GABRG3: variants seen among roughly 807,000 people sequenced by gnomAD.
The protein encoded by GABRG3 is gamma-aminobutyric acid type A receptor subunit gamma3.
Under a neutral mutation model 48.8 loss-of-function variants are expected in GABRG3, and 25 were observed. That is an observed-to-expected ratio of 0.51 (90% CI 0.37 to 0.72). The LOEUF (loss-of-function observed/expected upper bound fraction) is 0.72, where lower values mean the gene tolerates loss of function less well. Among genes scored for constraint, GABRG3 ranks in the 30% least tolerant of loss-of-function variants. GABRG3 has a pLI of 0.00. For missense variants in GABRG3, 394 were observed against 577.9 expected (o/e 0.68, Z 3.26); for synonymous variants, 227 against 217.6 (o/e 1.04, Z -0.38).
intron 6 of GABRG3, among the ~76,000 whole-genome samples, chr15:27,491,838 C>T (rs189049569): frequency 6.6e-6 from 1 of 152,308 alleles, no homozygotes; most frequent in African/African-American, 2.4e-5. Flanking sequence ...CTGTTACTCC[C>T]TGTAGTCGTA....
At chr15:27,261,418 C>A (rs1249028875) in intron 3 of GABRG3, among the ~76,000 whole-genome samples, 1 of 151,796 alleles carries the variant, frequency 6.6e-6, no homozygotes, top group African/African-American at 2.4e-5. Flanking sequence ...CCCCAGTCCC[C>A]CCAGTGCCAC....
At chr15:27,464,110 C>G (rs1292517533) in intron 5 of GABRG3, among the ~76,000 whole-genome samples, 1 of 152,078 alleles carries the variant, frequency 6.6e-6, no homozygotes, top group African/African-American at 2.4e-5. Flanking sequence ...TTTCACATAC[C>G]ATAAAATGCA....
intron 3 of GABRG3, among the ~76,000 whole-genome samples, chr15:27,245,325 A>G (rs1027518948): frequency 6.6e-6 from 1 of 152,214 alleles, no homozygotes; most frequent in African/African-American, 2.4e-5. Context: ...AAAAGACCTC[A>G]TAGGGCAGTG....
chr15:27,313,210 G>A (rs1267912555), intron 3 of GABRG3, among the ~76,000 whole-genome samples: 2 of 103,652 alleles, frequency 1.9e-5, no homozygotes, highest in South Asian at 3.2e-4. Context: ...ATATATATAT[G>A]TATATGTATA....
At chr15:27,334,632 G>T (rs1355722125) in intron 5 of GABRG3, among the ~76,000 whole-genome samples, 11 of 152,140 alleles carry the variant, frequency 7.2e-5, no homozygotes, top group Non-Finnish European at 1.3e-4. Flanking sequence ...TGAGAAGTAT[G>T]CAAGTAGCAT....
chr15:27,073,414 G>A (rs142316088), intron 3 of GABRG3, among the ~76,000 whole-genome samples: 7 of 152,364 alleles, frequency 4.6e-5, no homozygotes, highest in Admixed American at 2.6e-4. Flanking sequence ...CATAGTGGCT[G>A]TGTCCAAGGC....
intron 3 of GABRG3, among the ~76,000 whole-genome samples, chr15:27,046,362 C>G (rs1279283995): frequency 6.6e-6 from 1 of 152,156 alleles, no homozygotes; most frequent in East Asian, 1.9e-4. Context: ...CCTCGGTCTC[C>G]CAAAGTGCTG....
chr15:27,511,176 A>G (rs868610460), intron 6 of GABRG3, among the ~76,000 whole-genome samples: 13 of 152,356 alleles, frequency 8.5e-5, no homozygotes, highest in Middle Eastern at 6.8e-3. Flanking sequence ...TTAGTGACTA[A>G]ATTAAAAGAA....
At chr15:27,097,404 A>G (rs1479747514) in intron 3 of GABRG3, among the ~76,000 whole-genome samples, 3 of 152,038 alleles carry the variant, frequency 2.0e-5, no homozygotes, top group Non-Finnish European at 4.4e-5. Flanking sequence ...AGCTCACCTC[A>G]TTCACAACTT....
At chr15:27,446,632 T>C (rs1888954370) in intron 5 of GABRG3, among the ~76,000 whole-genome samples, 1 of 152,228 alleles carries the variant, frequency 6.6e-6, no homozygotes, top group Non-Finnish European at 1.5e-5. Context: ...TATTTTATTC[T>C]TTTTGAGGCT....
chr15:27,441,309 C>G (rs1252958131), intron 5 of GABRG3, among the ~76,000 whole-genome samples: 1 of 152,190 alleles, frequency 6.6e-6, no homozygotes, highest in Non-Finnish European at 1.5e-5. Context: ...TTGTGTCATC[C>G]TAAATTTATC....
intron 5 of GABRG3, among the ~76,000 whole-genome samples, chr15:27,378,694 A>G (rs992177072): frequency 1.8e-4 from 27 of 152,256 alleles, no homozygotes; most frequent in African/African-American, 4.1e-4. Context: ...TATTTAAATC[A>G]TGATACATAG....
rs115836124 is a variant in GABRG3, at chr15:27,388,732, G to A, written c.574+59844G>A. 7.2e-3 allele frequency among the ~76,000 whole-genome samples: 1,093 copies of A among 152,178 alleles called. 13 individuals are homozygous for A. The highest frequency in any genetic ancestry group is 0.025 in the African/African-American group (1,041 of 41,516). ...TGGAGTGAGTCCAGACAGACTCAGCGGAGAGTGCACCAACTAAATACCATG... is the reference window on the plus strand; with the variant it reads ...TGGAGTGAGTCCAGACAGACTCAGCAGAGAGTGCACCAACTAAATACCATG... On this transcript the variant is annotated intron_variant, in intron 5 of 9. Transcript: ENST00000615808.
chr15:27,460,159 A>C (rs1490770858), intron 5 of GABRG3, among the ~76,000 whole-genome samples: 1 of 152,260 alleles, frequency 6.6e-6, no homozygotes, highest in African/African-American at 2.4e-5. Flanking sequence ...AGTACCTCAA[A>C]TACATCACAG....
intron 3 of GABRG3, among the ~76,000 whole-genome samples, chr15:27,262,618 A>G (rs1389600697): frequency 6.6e-6 from 1 of 150,966 alleles, no homozygotes; most frequent in Non-Finnish European, 1.5e-5. Context: ...TGGTGTAGAT[A>G]TTGTCTTCGA....
At chr15:27,208,096 A>G (rs779939316) in intron 3 of GABRG3, 1 of 178,426 alleles carries the variant, frequency 5.6e-6, no homozygotes, top group Non-Finnish European at 1.2e-5. Context: ...CCAGGGTTTC[A>G]CCTTCCCCTC....
At chr15:27,521,443 T>A (rs1891157781) in intron 7 of GABRG3, among the ~76,000 whole-genome samples, 1 of 152,080 alleles carries the variant, frequency 6.6e-6, no homozygotes, top group Non-Finnish European at 1.5e-5. Flanking sequence ...GATAATATAG[T>A]GCAGACTCTT....
intron 3 of GABRG3, among the ~76,000 whole-genome samples, chr15:27,059,227 A>C (rs993195765): frequency 7.9e-5 from 12 of 152,214 alleles, no homozygotes; most frequent in Admixed American, 7.9e-4. Flanking sequence ...GAAGGCCTGA[A>C]GGGCACCCCT....
chr15:27,285,964 A>T (rs1057304341), intron 3 of GABRG3, among the ~76,000 whole-genome samples: 2 of 152,194 alleles, frequency 1.3e-5, no homozygotes, highest in African/African-American at 4.8e-5. Flanking sequence ...TGCTTGGCCC[A>T]TCGTAGGATC....
Sources: gnomAD v4.1 joint callset for allele counts (sites outside exome capture counted in the v4.1 genomes callset) on GRCh38, gnomAD v4.1.1 for gene constraint, MANE v1.5 for transcripts, NCBI Gene and HGNC (gene_info 2026-07-23, HGNC 2026-07-21) for gene names.